Variants in POU6F1 observed in about 807,000 individuals in gnomAD.
POU6F1 encodes the protein POU domain, class 6, transcription factor 1.
A neutral mutation model predicts 28.9 loss-of-function variants in POU6F1; 9 were observed. The observed-to-expected ratio is 0.31, with a 90% confidence interval of 0.19 to 0.54. POU6F1 has a LOEUF of 0.54. POU6F1 is among the 20% of genes least tolerant of loss of function. POU6F1 has a pLI of 0.94. For synonymous variants in POU6F1, 173 were observed against 171.1 expected (o/e 1.01, Z -0.09); for missense variants, 338 against 426.1 (o/e 0.79, Z 1.82).
chr12:51,213,092 G>A (rs1007531214), intron 1 of POU6F1, among the ~76,000 whole-genome samples: 3 of 151,712 alleles, frequency 2.0e-5, no homozygotes, highest in African/African-American at 4.8e-5. Context: ...GCGCATCACC[G>A]CACCAGGCTG....
chr12:51,210,245 A>G (rs1341000175), intron 1 of POU6F1, among the ~76,000 whole-genome samples: 2 of 152,210 alleles, frequency 1.3e-5, no homozygotes, highest in African/African-American at 4.8e-5. Context: ...GCAATTTACC[A>G]TCACTTCTGG....
In POU6F1 at chr12:51,197,258, A is replaced by G. The variant is rs574756907; in HGVS notation, c.847-331T>C. On this transcript the variant is annotated intron_variant, in intron 6 of 10. Transcript: ENST00000333640. ...GGGGTCTACCGGCTGGATGGTTTCC[A>G]GGGCTAGGGGCTGCAGGGGTCAGCA... 2.6e-5 allele frequency among the ~76,000 whole-genome samples: 4 copies of G among 152,018 alleles called. No homozygotes were observed. The East Asian group carries it at 7.8e-4, about 30-fold the overall frequency.
At position 51,189,091 on chromosome 12, in the gene POU6F1, G is replaced by C. The variant is rs879135101; in HGVS notation, c.*1156C>G. On this transcript the variant is annotated 3_prime_UTR_variant, in exon 11 of 11. Coordinates refer to ENST00000333640, the MANE Select transcript of POU6F1 (RefSeq NM_001330422.2). ...GATTGCTTACACACAGACATGGTCT[G>C]AGACTCGACAAAATGAGATTTCTCC... 2 of 152,150 alleles carry C rather than the reference G, an allele frequency of 1.3e-5. No individual in the cohort carries two copies. The highest frequency in any genetic ancestry group is 2.4e-5 in the African/African-American group (1 of 41,424). The allele number at this position is 152,150 out of a possible 1,614,324, so 9.4% of individuals were successfully genotyped here. A position where few individuals can be genotyped will look rare whatever the true frequency, so the allele number is the denominator to read the frequency against.
intron 7 of POU6F1, 97 bp from the exon 8 acceptor site, chr12:51,196,270 A>G (rs1369161764): frequency 1.9e-6 from 2 of 1,060,968 alleles, no homozygotes; most frequent in Admixed American, 6.4e-5. Flanking sequence ...AGACTAATGG[A>G]CAAATCCCTC....
chr12:51,189,137 G>A lies in POU6F1; in HGVS notation c.*1110C>T, dbSNP rs553194297. ...TCTCCTCCCGTATCCAAGGCTTAAAGTTACAAAGAAAATTAGAGTTAAGTC... is the reference window on the plus strand; with the variant it reads ...TCTCCTCCCGTATCCAAGGCTTAAAATTACAAAGAAAATTAGAGTTAAGTC... On this transcript the variant is annotated 3_prime_UTR_variant, in exon 11 of 11. Transcript: ENST00000333640. 1 of 152,280 alleles carries A rather than the reference G, an allele frequency of 6.6e-6. No individual in the cohort carries two copies. Among genetic ancestry groups the A allele is most frequent in the Admixed American group, 6.5e-5 (1 of 15,278 alleles). 9.4% of individuals were successfully genotyped at this position (152,280 alleles called of 1,614,324 possible). A position where few individuals can be genotyped will look rare whatever the true frequency, so the allele number is the denominator to read the frequency against.
rs1321420588 is a variant in POU6F1 at position 51,217,105 on chromosome 12, C to T, written c.-48+537G>A. Among the ~76,000 whole-genome samples the T allele has an allele frequency of 6.6e-6, 1 of 152,180 alleles. No individual in the cohort carries two copies. On this transcript the variant is annotated intron_variant, in intron 1 of 10. Coordinates refer to ENST00000333640, the MANE Select transcript of POU6F1 (RefSeq NM_001330422.2). The surrounding 1 kb of genome is among the most constrained non-coding windows in gnomAD (Gnocchi z 5.3). ...CCTTCCAGCAACGCCTGGGTCCCTA[C>T]CCCCGGGTCCCACCGGTCGTCCCGG... is the stretch of plus-strand genomic sequence containing the variant.
chr12:51,199,161 CCCGCAGAGG>C lies in POU6F1; in HGVS notation c.367-395_367-387del, dbSNP rs1943040194. ...GCTGATGGAACCAAGTGGTCAAGGCCCCGCAGAGGCTAATGGAACCAAGTGGTCAAGGCC... is the reference window on the plus strand; with the variant it reads ...GCTGATGGAACCAAGTGGTCAAGGCCCTAATGGAACCAAGTGGTCAAGGCC... On this transcript the variant is annotated intron_variant, in intron 4 of 10. Coordinates refer to ENST00000333640, the MANE Select transcript of POU6F1 (RefSeq NM_001330422.2). The surrounding 1 kb of genome is among the most constrained non-coding windows in gnomAD (Gnocchi z 4.1). Among the ~76,000 whole-genome samples, 4 of 410 alleles carry C rather than the reference CCCGCAGAGG, an allele frequency of 9.8e-3. No homozygotes were observed. Among genetic ancestry groups the C allele is most frequent in the African/African-American group, 0.029 (3 of 102 alleles). The allele number at this position is 410 out of a possible 152,430, so 0.3% of individuals were successfully genotyped here. A position where few individuals can be genotyped will look rare whatever the true frequency, so the allele number is the denominator to read the frequency against.
At chr12:51,203,349 G>A (rs1943353540) in intron 3 of POU6F1, among the ~76,000 whole-genome samples, 1 of 152,170 alleles carries the variant, frequency 6.6e-6, no homozygotes. Flanking sequence ...AATGGAAGGA[G>A]TGGCAGAGAT....
At chr12:51,200,562 C>T (rs1335742720) in intron 3 of POU6F1, among the ~76,000 whole-genome samples, 1 of 152,136 alleles carries the variant, frequency 6.6e-6, no homozygotes, top group Admixed American at 6.5e-5. Flanking sequence ...TACTGGGGTA[C>T]CCCACCAGGA....
intron 1 of POU6F1, among the ~76,000 whole-genome samples, chr12:51,209,223 C>T (rs1177720642): frequency 1.3e-5 from 2 of 152,222 alleles, no homozygotes; most frequent in Non-Finnish European, 1.5e-5. Flanking sequence ...CCACCATCAC[C>T]ACTGTCTAGT....
chr12:51,214,159 A>AAAAT (rs568751694), intron 1 of POU6F1, among the ~76,000 whole-genome samples: 437 of 151,930 alleles, frequency 2.9e-3, no homozygotes, highest in African/African-American at 9.0e-3. Context: ...TAAATAAATA[A>AAAAT]AAATAAATAA....
chr12:51,212,084 TTTTG>T (rs543517992), intron 1 of POU6F1, among the ~76,000 whole-genome samples: 2,044 of 146,394 alleles, frequency 0.014, 47 homozygotes, highest in African/African-American at 0.051. Context: ...GTTTTTTTTG[TTTTG>T]TTTGTTTGTT....
rs1451265938 is a variant in POU6F1 at position 51,217,327 on chromosome 12, C to T, written c.-48+315G>A. 6.6e-6 allele frequency among the ~76,000 whole-genome samples: 1 copy of T among 152,060 alleles called. No individual in the cohort carries two copies. Among genetic ancestry groups the T allele is most frequent in the Non-Finnish European group, 1.5e-5 (1 of 67,980 alleles). On this transcript the variant is annotated intron_variant, in intron 1 of 10. Transcript: ENST00000333640. This position sits in a 1 kb window ranked among gnomAD's most constrained non-coding sequence, Gnocchi z 5.3. ...GGGCAGAAACGGGGAGGGGCCAGGT[C>T]GGGGTTCCCCACCGGGTCCACCTGG...
At chr12:51,203,585 T>C (rs1199784698) in intron 3 of POU6F1, among the ~76,000 whole-genome samples, 1 of 152,236 alleles carries the variant, frequency 6.6e-6, no homozygotes, top group East Asian at 1.9e-4. Flanking sequence ...TGTGTGGCCA[T>C]GCAGTTTCTT....
At chr12:51,210,018 C>T (rs997561905) in intron 1 of POU6F1, among the ~76,000 whole-genome samples, 1 of 152,082 alleles carries the variant, frequency 6.6e-6, no homozygotes, top group Non-Finnish European at 1.5e-5. Context: ...AATGCAGTGG[C>T]ATGACCATGG....
chr12:51,201,775 G>A (rs1943224115), intron 3 of POU6F1: 1 of 151,952 alleles, frequency 6.6e-6, no homozygotes, highest in Non-Finnish European at 1.5e-5. Flanking sequence ...ATTGCTTCCT[G>A]CAAGACTGTA....
At chr12:51,213,336 T>C (rs1313621216) in intron 1 of POU6F1, among the ~76,000 whole-genome samples, 1 of 152,172 alleles carries the variant, frequency 6.6e-6, no homozygotes, top group Admixed American at 6.5e-5. Context: ...AAAATGGAAC[T>C]TGTATGGGAT....
intron 1 of POU6F1, among the ~76,000 whole-genome samples, chr12:51,208,184 T>A (rs945918275): frequency 7.6e-5 from 11 of 144,588 alleles, no homozygotes; most frequent in Non-Finnish European, 1.5e-4. Flanking sequence ...GAGGCTGAGG[T>A]GGGAAGATCG....
At chr12:51,213,869 G>A (rs1190043645) in intron 1 of POU6F1, among the ~76,000 whole-genome samples, 3 of 151,880 alleles carry the variant, frequency 2.0e-5, no homozygotes, top group South Asian at 2.1e-4. Context: ...TAGGCCAGGC[G>A]CAGTGGCTCA....
Sources: allele counts gnomAD v4.1 joint callset (sites outside exome capture counted in the v4.1 genomes callset), GRCh38; gene constraint gnomAD v4.1.1; non-coding constraint Gnocchi (gnomAD v3.1); transcripts MANE v1.5; gene names NCBI Gene and HGNC (gene_info 2026-07-23, HGNC 2026-07-21).